Variants in NBEA observed in about 807,000 individuals in gnomAD.
The protein encoded by NBEA is neurobeachin, also known as lysosomal-trafficking regulator 2.
NBEA carries 44 observed loss-of-function variants against 343.4 expected under a neutral mutation model. The ratio of observed to expected loss-of-function variants is 0.13; its 90% CI spans 0.10 to 0.16. The LOEUF (loss-of-function observed/expected upper bound fraction) is 0.16, where lower values mean the gene tolerates loss of function less well. Ranked by LOEUF, NBEA falls within the 10% of genes least tolerant of loss-of-function variation. NBEA has a pLI of 1.00. For missense variants in NBEA, 2,555 were observed against 3,631.3 expected (o/e 0.70, Z 7.62); for synonymous variants, 1,175 against 1,238.7 (o/e 0.95, Z 1.08).
At chr13:35,584,275 A>G (rs999341479) in intron 46 of NBEA, among the ~76,000 whole-genome samples, 6 of 150,526 alleles carry the variant, frequency 4.0e-5, no homozygotes, top group Non-Finnish European at 8.9e-5. Flanking sequence ...AAACCAAACC[A>G]GTTGTCCAGT....
intron 48 of NBEA, among the ~76,000 whole-genome samples, chr13:35,624,055 G>GGTGT (rs10561419): frequency 1.2e-3 from 177 of 147,500 alleles, no homozygotes; most frequent in African/African-American, 4.0e-3. Context: ...TGTGTGTGTG[G>GGTGT]GTGTGTGTGT....
chr13:35,247,090 C>T lies in NBEA; in HGVS notation c.5776+14471C>T, dbSNP rs566613034. Among the ~76,000 whole-genome samples the T allele has an allele frequency of 6.6e-5, 10 of 152,210 alleles. No homozygotes were observed. In the South Asian group the frequency reaches 1.5e-3, roughly 22 times the overall value. ...CAGGAAAGCCAGCAGTTACAGGACT[C>T]ACCCAGTTCCCACTCAACCCAGATG... is the stretch of plus-strand genomic sequence containing the variant. On this transcript the variant is annotated intron_variant, in intron 34 of 58. Transcript: ENST00000379939.
chr13:35,424,378 A>G (rs2044507638), intron 38 of NBEA, among the ~76,000 whole-genome samples: 1 of 152,110 alleles, frequency 6.6e-6, no homozygotes. Flanking sequence ...AATTTTGTCA[A>G]AGGCCTTTTC....
At chr13:35,531,985 G>T (rs932843438) in intron 41 of NBEA, among the ~76,000 whole-genome samples, 1 of 152,170 alleles carries the variant, frequency 6.6e-6, no homozygotes, top group African/African-American at 2.4e-5. Context: ...TGAAAAGCTT[G>T]TACTGGACCT....
At chr13:35,387,371 C>T (rs1425304611) in intron 38 of NBEA, among the ~76,000 whole-genome samples, 5 of 151,734 alleles carry the variant, frequency 3.3e-5, no homozygotes, top group Admixed American at 2.0e-4. Flanking sequence ...TTTTTCCTTG[C>T]GAATTGATTT....
intron 34 of NBEA, among the ~76,000 whole-genome samples, chr13:35,274,643 G>A (rs1387052097): frequency 2.0e-5 from 3 of 152,168 alleles, no homozygotes; most frequent in African/African-American, 7.2e-5. Flanking sequence ...ATCTCCTTAA[G>A]CTGATAAGCA....
Position 35,184,058 on chromosome 13 carries a change from C to G in NBEA, c.4914C>G (p.His1638Gln), listed in dbSNP as rs777946539. 6 of 1,610,076 alleles carry G rather than the reference C, an allele frequency of 3.7e-6. No individual in the cohort carries two copies. The South Asian group carries it at 5.5e-5, about 15-fold the overall frequency. The change falls in exon 30 of 59, where the codon CAC becomes CAG. Residue 1638 changes from histidine to glutamine, a missense_variant. Around this residue, in one of 21 missense-constraint regions of NBEA, gnomAD observed 270 missense variants for 293.3 expected, o/e 0.92. Transcript: ENST00000379939. ...TAATTCCTGAGCAGAGCTTTGGCCA[C>G]TCATTTTACAAAGGTAATACTGACC... is the stretch of plus-strand genomic sequence containing the variant. ...AKLIPEQSFG[H>Q]SFYKETPAAF...
At chr13:35,155,741 T>C (rs1475838733) in intron 18 of NBEA, 33 bp from the exon 19 acceptor site, 1 of 1,511,042 alleles carries the variant, frequency 6.6e-7, no homozygotes, top group African/African-American at 1.4e-5. Flanking sequence ...TTAAATTGTT[T>C]TCTAAATGAA....
chr13:35,044,139 C>G (rs1246780077), intron 2 of NBEA, among the ~76,000 whole-genome samples: 2 of 152,078 alleles, frequency 1.3e-5, no homozygotes, highest in South Asian at 2.1e-4. Context: ...CACATAAACA[C>G]TCACACTAGC....
rs778518259 is a variant in NBEA at position 35,550,491 on chromosome 13, T to C, written c.6600T>C (p.Thr2200=). 4 of 1,611,016 alleles carry C rather than the reference T, an allele frequency of 2.5e-6. No homozygotes were observed. Among genetic ancestry groups the C allele is most frequent in the East Asian group, 2.2e-5 (1 of 44,812 alleles). ...GTTTATTTTAGGTTCTTGCATACAC[T>C]GAGGGACTTCACGGAAAATGGATGT... ...KKIDTKVLAY[T]EGLHGKWMFS... is the part of the protein sequence containing the mutation. Residue 2200 remains threonine, a synonymous_variant, in exon 42 of 59, where the codon ACT becomes ACC. Transcript: ENST00000379939.
At chr13:35,459,542 G>T (rs1286738415) in intron 40 of NBEA, among the ~76,000 whole-genome samples, 2 of 151,850 alleles carry the variant, frequency 1.3e-5, no homozygotes, top group Non-Finnish European at 2.9e-5. Flanking sequence ...CTACCTCTGG[G>T]TAACTCAAAT....
chr13:35,638,934 G>A (rs1057231475), intron 49 of NBEA, among the ~76,000 whole-genome samples: 1 of 152,166 alleles, frequency 6.6e-6, no homozygotes. Flanking sequence ...ATCAGCAAGA[G>A]GATAAGTCAC....
At chr13:35,368,940 C>T (rs1226343957) in intron 38 of NBEA, among the ~76,000 whole-genome samples, 1 of 151,580 alleles carries the variant, frequency 6.6e-6, no homozygotes, top group Non-Finnish European at 1.5e-5. Flanking sequence ...AACAAGAATC[C>T]TCTATTCTAG....
intron 29 of NBEA, among the ~76,000 whole-genome samples, chr13:35,183,315 A>G (rs1426120953): frequency 6.6e-6 from 1 of 152,012 alleles, no homozygotes; most frequent in Non-Finnish European, 1.5e-5. Flanking sequence ...TGGTTATTTC[A>G]TGTACCACTG....
At chr13:35,365,491 T>G (rs905769017) in intron 38 of NBEA, among the ~76,000 whole-genome samples, 1 of 151,666 alleles carries the variant, frequency 6.6e-6, no homozygotes, top group Non-Finnish European at 1.5e-5. Flanking sequence ...TAGCTGCTTA[T>G]TAAAATATAC....
intron 49 of NBEA, among the ~76,000 whole-genome samples, chr13:35,639,433 A>T (rs1242684562): frequency 6.6e-6 from 1 of 152,150 alleles, no homozygotes; most frequent in Non-Finnish European, 1.5e-5. Flanking sequence ...CTTTCCTTTT[A>T]TCATTTCAGA....
intron 19 of NBEA, 75 bp downstream of exon 19, chr13:35,155,930 T>A (rs2069141291): frequency 6.6e-7 from 1 of 1,512,140 alleles, no homozygotes; most frequent in East Asian, 2.3e-5. Context: ...AAACTTTTCC[T>A]AACCCCTTAA....
At chr13:35,505,612 C>T (rs533094705) in intron 41 of NBEA, among the ~76,000 whole-genome samples, 2 of 152,190 alleles carry the variant, frequency 1.3e-5, no homozygotes, top group East Asian at 3.9e-4. Flanking sequence ...TTTGTGATTC[C>T]ATCTTAGAAG....
At chr13:35,637,148 C>T (rs1024045654) in intron 49 of NBEA, among the ~76,000 whole-genome samples, 2 of 152,082 alleles carry the variant, frequency 1.3e-5, no homozygotes, top group Non-Finnish European at 2.9e-5. Context: ...CCTTTCAAAG[C>T]GATAATGAAG....
Sources: allele counts gnomAD v4.1 joint callset (sites outside exome capture counted in the v4.1 genomes callset), GRCh38; gene constraint gnomAD v4.1.1; regional missense constraint gnomAD v4.1.1; transcripts MANE v1.5; gene names NCBI Gene and HGNC (gene_info 2026-07-23, HGNC 2026-07-21).